Variants in APCDD1L observed in about 807,000 individuals in gnomAD.
APCDD1L encodes APC down-regulated 1 like.
APCDD1L carries 21 observed loss-of-function variants against 24.2 expected under a neutral mutation model. The ratio of observed to expected loss-of-function variants is 0.87; its 90% CI spans 0.61 to 1.25. The LOEUF is 1.25. Ranked by LOEUF, APCDD1L falls within the 50% of genes most tolerant of loss-of-function variation. The probability of loss-of-function intolerance (pLI) is 0.00; values close to 1 mark genes in which losing one functional copy is unlikely to be tolerated. For synonymous variants in APCDD1L, 321 were observed against 323.6 expected (o/e 0.99, Z 0.09); for missense variants, 704 against 711.7 (o/e 0.99, Z 0.12).
intron 1 of APCDD1L, among the ~76,000 whole-genome samples, chr20:58,512,610 C>G (rs1990648732): frequency 6.6e-6 from 1 of 151,896 alleles, no homozygotes; most frequent in Admixed American, 6.6e-5. Context: ...GGCTGGTGTG[C>G]CATTATATAT....
At position 58,494,970 on chromosome 20, in the gene APCDD1L, C is replaced by T. The variant is rs147556066; in HGVS notation, c.49+19689G>A. ...TCTTCAGTGAGAACACCCCCATGAC[C>T]TTGTCTCAAGGTGGGCCCTCTGGTG... On this transcript the variant is annotated intron_variant, in intron 1 of 3. Transcript: ENST00000371149. This position sits in a 1 kb window ranked among gnomAD's most constrained non-coding sequence, Gnocchi z 4.8. Among the ~76,000 whole-genome samples the T allele has an allele frequency of 1.3e-3, 191 of 152,302 alleles. 4 individuals are homozygous for T. Among genetic ancestry groups the T allele is most frequent in the East Asian group, 2.7e-3 (14 of 5,168 alleles).
Position 58,472,851 on chromosome 20 carries a change from G to A in APCDD1L, c.50-2104C>T, listed in dbSNP as rs145229250. On this transcript the variant is annotated intron_variant, in intron 1 of 3. Transcript: ENST00000371149. The stretch of plus-strand genomic sequence containing the variant: ...TGTGGCAGGATATTGTAGTGGGTAC[G>A]TAGGCACCAAAGTTGGGCCAGATCC... 3.9e-3 allele frequency among the ~76,000 whole-genome samples: 590 copies of A among 152,298 alleles called. 4 individuals are homozygous for A. The highest frequency in any genetic ancestry group is 6.6e-3 in the Non-Finnish European group (452 of 68,016).
At chr20:58,512,736 T>A (rs1461078365) in intron 1 of APCDD1L, among the ~76,000 whole-genome samples, 1 of 152,120 alleles carries the variant, frequency 6.6e-6, no homozygotes, top group African/African-American at 2.4e-5. Context: ...AGCAAAAGGA[T>A]CTCATCACCT....
chr20:58,476,230 G>A (rs1281913298), intron 1 of APCDD1L, among the ~76,000 whole-genome samples: 4 of 152,138 alleles, frequency 2.6e-5, no homozygotes, highest in South Asian at 2.1e-4. Context: ...TTGCTCTGTC[G>A]CCCAGGCTGG....
intron 1 of APCDD1L, among the ~76,000 whole-genome samples, chr20:58,506,210 A>G (rs1292225224): frequency 6.6e-6 from 1 of 152,062 alleles, no homozygotes; most frequent in Non-Finnish European, 1.5e-5. Context: ...GTCCCCTTGC[A>G]CCTCTGGAAG....
intron 1 of APCDD1L, among the ~76,000 whole-genome samples, chr20:58,471,140 G>A (rs1989804941): frequency 6.6e-6 from 1 of 152,166 alleles, no homozygotes; most frequent in Non-Finnish European, 1.5e-5. Context: ...AAGGACCCAC[G>A]CTCCTGGACA....
At chr20:58,464,524 T>G (rs1568733726) in intron 3 of APCDD1L, among the ~76,000 whole-genome samples, 1 of 152,244 alleles carries the variant, frequency 6.6e-6, no homozygotes, top group African/African-American at 2.4e-5. Context: ...TTCACACTTG[T>G]ACAGAAACCA....
At chr20:58,491,947 G>T (rs6026311) in intron 1 of APCDD1L, among the ~76,000 whole-genome samples, 1 of 151,988 alleles carries the variant, frequency 6.6e-6, no homozygotes, top group Non-Finnish European at 1.5e-5. Context: ...CTAGTTTACA[G>T]GATTGCTGCT....
chr20:58,508,904 G>A lies in APCDD1L; in HGVS notation c.49+5755C>T, dbSNP rs1990572703. Among the ~76,000 whole-genome samples, 4 of 152,304 alleles carry A rather than the reference G, an allele frequency of 2.6e-5. No individual in the cohort carries two copies. The South Asian group carries it at 6.2e-4, about 24-fold the overall frequency. On this transcript the variant is annotated intron_variant, in intron 1 of 3. Coordinates refer to ENST00000371149, the MANE Select transcript of APCDD1L (RefSeq NM_153360.3). The surrounding 1 kb of genome is among the most constrained non-coding windows in gnomAD (Gnocchi z 4.0). ...AGAGCGGGGTACTGGGAAAGACTGT[G>A]TGCACATGCGTGAGTGTGCATGAGT...
rs531430176 is a variant in APCDD1L, at chr20:58,461,453, G to T, written c.843C>A (p.Gly281=). The T allele has an allele frequency of 7.3e-6, 11 of 1,500,964 alleles. No individual in the cohort carries two copies. In the Admixed American group the frequency reaches 1.6e-4, roughly 22 times the overall value. The allele number at this position is 1,500,964 out of a possible 1,614,324, so 93.0% of individuals were successfully genotyped here. ...CGCACCCCGAGCTGACCCACCAGCC[G>T]CCCAGGTGCAGGGGCAGGGCCAGAG... The part of the protein sequence containing the change: ...PPPLALPLHL[G]GWWVSSGCEV... Residue 281 remains glycine, a synonymous_variant, in exon 4 of 4, where the codon GGC becomes GGA. Coordinates refer to ENST00000371149, the MANE Select transcript of APCDD1L (RefSeq NM_153360.3). This position sits in a 1 kb window ranked among gnomAD's most constrained non-coding sequence, Gnocchi z 6.0.
intron 1 of APCDD1L, among the ~76,000 whole-genome samples, chr20:58,500,823 C>T (rs1055621289): frequency 6.6e-6 from 1 of 152,184 alleles, no homozygotes; most frequent in Non-Finnish European, 1.5e-5. Context: ...TCGCTGCACT[C>T]CCCACTAGCC....
Position 58,467,291 on chromosome 20 carries a change from G to C in APCDD1L, c.556C>G (p.Leu186Val), listed in dbSNP as rs1320877349. ...TGCATGGTGAGGCCCAGCGCCTCCA[G>C]GCAGTCCCCCTGAGCCCGGGCGCTC... ...LRSARAQGDC[L>V]EALGLTMHEL... The change falls in exon 3 of 4, where the codon CTG becomes GTG. Residue 186 changes from leucine to valine, a missense_variant. Coordinates refer to ENST00000371149, the MANE Select transcript of APCDD1L (RefSeq NM_153360.3). The surrounding 1 kb of genome is among the most constrained non-coding windows in gnomAD (Gnocchi z 5.9). 6.5e-7 allele frequency: 1 copy of C among 1,548,712 alleles called. No individual in the cohort carries two copies.
intron 1 of APCDD1L, among the ~76,000 whole-genome samples, chr20:58,502,736 AAAAAG>A (rs373274182): frequency 1.3e-5 from 2 of 152,164 alleles, no homozygotes; most frequent in African/African-American, 4.8e-5. Context: ...CAAAAAAAAA[AAAAAG>A]AAAAGAACTT....
intron 1 of APCDD1L, among the ~76,000 whole-genome samples, chr20:58,495,760 C>T (rs184272137): frequency 1.3e-5 from 2 of 152,292 alleles, no homozygotes; most frequent in Admixed American, 6.5e-5. Flanking sequence ...ATGCCATCAC[C>T]ACCTCCTGTA....
intron 1 of APCDD1L, among the ~76,000 whole-genome samples, chr20:58,483,074 G>A (rs1485010738): frequency 1.3e-5 from 2 of 152,216 alleles, no homozygotes; most frequent in African/African-American, 4.8e-5. Flanking sequence ...CTGCCTATGT[G>A]TGCCTTGAGG....
rs865827762 is a variant in APCDD1L at position 58,495,736 on chromosome 20, T to G, written c.49+18923A>C. On this transcript the variant is annotated intron_variant, in intron 1 of 3. Transcript: ENST00000371149. ...AGCCTCACCGGGGGTCGCACACACA[T>G]GAAGGTGTGACCCATGCCATCACCA... 1.4e-3 allele frequency among the ~76,000 whole-genome samples: 211 copies of G among 152,194 alleles called. 2 individuals carry two copies. The highest frequency in any genetic ancestry group is 4.7e-3 in the African/African-American group (196 of 41,528).
At chr20:58,487,620 A>T (rs1467604702) in intron 1 of APCDD1L, among the ~76,000 whole-genome samples, 3 of 152,224 alleles carry the variant, frequency 2.0e-5, no homozygotes, top group African/African-American at 7.2e-5. Context: ...TGAAAGTAAA[A>T]TAATTCATAA....
At chr20:58,509,910 C>G (rs771489109) in intron 1 of APCDD1L, among the ~76,000 whole-genome samples, 5 of 152,186 alleles carry the variant, frequency 3.3e-5, no homozygotes, top group Non-Finnish European at 5.9e-5. Flanking sequence ...TTCTGAGGCC[C>G]CACAACCCTC....
At chr20:58,470,476 C>T (rs568265933) in intron 2 of APCDD1L, 133 bp downstream of exon 2, 2 of 1,275,128 alleles carry the variant, frequency 1.6e-6, no homozygotes, top group Admixed American at 5.7e-5. Context: ...CAAGCATCTC[C>T]AGCAGCTTGG....
Sources: allele counts gnomAD v4.1 joint callset (sites outside exome capture counted in the v4.1 genomes callset), GRCh38; gene constraint gnomAD v4.1.1; non-coding constraint Gnocchi (gnomAD v3.1); transcripts MANE v1.5; gene names NCBI Gene and HGNC (gene_info 2026-07-23, HGNC 2026-07-21).